PCSK2: variants seen among roughly 807,000 people sequenced by gnomAD.
PCSK2 encodes proprotein convertase subtilisin/kexin type 2.
PCSK2 carries 14 observed loss-of-function variants against 69.7 expected under a neutral mutation model. The ratio of observed to expected loss-of-function variants is 0.20; its 90% CI spans 0.13 to 0.31. PCSK2 has a LOEUF of 0.31. Among genes scored for constraint, PCSK2 ranks in the 10% least tolerant of loss-of-function variants. The pLI is 1.00. For synonymous variants in PCSK2, 307 were observed against 320.7 expected (o/e 0.96, Z 0.46); for missense variants, 544 against 842.5 (o/e 0.65, Z 4.39).
intron 4 of PCSK2, among the ~76,000 whole-genome samples, chr20:17,367,879 T>C (rs1405622677): frequency 6.6e-6 from 1 of 152,186 alleles, no homozygotes; most frequent in Non-Finnish European, 1.5e-5. Flanking sequence ...TTCTGATGCC[T>C]TTCCCTCTGA....
rs1435647061 is a variant in PCSK2, at chr20:17,481,409, A to G, written c.1431-175A>G. ...AAGACAAAAAAAAAAAAAAAAAAAA[A>G]AAAAAGAGATAAGTAACTTACTCAG... is the stretch of plus-strand genomic sequence containing the variant. On this transcript the variant is annotated intron_variant, in intron 11 of 11. Transcript: ENST00000262545. Among the ~76,000 whole-genome samples the G allele has an allele frequency of 2.3e-4, 28 of 122,098 alleles. 2 individuals are homozygous for G. The highest frequency in any genetic ancestry group is 1.6e-3 in the East Asian group (7 of 4,266). 80.1% of individuals were successfully genotyped at this position (122,098 alleles called of 152,430 possible).
At chr20:17,321,110 A>C (rs533508291) in intron 2 of PCSK2, among the ~76,000 whole-genome samples, 1 of 152,320 alleles carries the variant, frequency 6.6e-6, no homozygotes, top group African/African-American at 2.4e-5. Flanking sequence ...ATTTGTTTTC[A>C]ACATTATTCA....
At chr20:17,463,444 A>G (rs1040361150) in intron 10 of PCSK2, 3 of 152,106 alleles carry the variant, frequency 2.0e-5, no homozygotes, top group Admixed American at 6.5e-5. Flanking sequence ...TATGTCCAAG[A>G]CATGTTCTGA....
At chr20:17,414,083 A>G (rs2031941144) in intron 6 of PCSK2, among the ~76,000 whole-genome samples, 1 of 152,248 alleles carries the variant, frequency 6.6e-6, no homozygotes, top group African/African-American at 2.4e-5. Flanking sequence ...GAAAGCAGGA[A>G]AGATCTAAAA....
chr20:17,351,812 C>T (rs2029998132), intron 2 of PCSK2, among the ~76,000 whole-genome samples: 2 of 152,106 alleles, frequency 1.3e-5, no homozygotes, highest in African/African-American at 4.8e-5. Context: ...CTACTCTCAC[C>T]ACCCCTATTC....
At chr20:17,272,885 A>G (rs2123028361) in intron 2 of PCSK2, among the ~76,000 whole-genome samples, 1 of 152,252 alleles carries the variant, frequency 6.6e-6, no homozygotes, top group South Asian at 2.1e-4. Flanking sequence ...TGGCTCTCTG[A>G]GAAATCAGTT....
intron 2 of PCSK2, chr20:17,263,042 C>A: frequency 2.0e-6 from 1 of 502,182 alleles, no homozygotes; most frequent in Non-Finnish European, 2.6e-6. Context: ...GGAGGGTGGT[C>A]TGAGCTGCTA....
intron 5 of PCSK2, among the ~76,000 whole-genome samples, chr20:17,378,568 G>T (rs774054629): frequency 7.9e-5 from 12 of 151,970 alleles, no homozygotes; most frequent in Non-Finnish European, 1.5e-4. Flanking sequence ...ATAAATAAAA[G>T]ACTGAATTAT....
chr20:17,421,461 C>T (rs565679934), intron 6 of PCSK2, among the ~76,000 whole-genome samples: 20 of 152,188 alleles, frequency 1.3e-4, no homozygotes, highest in South Asian at 2.1e-4. Flanking sequence ...CAAACGTGGT[C>T]GACGCCAAAC....
At chr20:17,366,894 G>A (rs573343699) in intron 4 of PCSK2, among the ~76,000 whole-genome samples, 1 of 152,220 alleles carries the variant, frequency 6.6e-6, no homozygotes, top group South Asian at 2.1e-4. Context: ...CCTTGACAGA[G>A]AAGACACTAC....
intron 4 of PCSK2, among the ~76,000 whole-genome samples, chr20:17,361,409 A>G (rs1190490687): frequency 2.6e-5 from 4 of 152,248 alleles, no homozygotes; most frequent in Non-Finnish European, 5.9e-5. Flanking sequence ...GCATTTTTCC[A>G]ACTACACACG....
At chr20:17,358,103 C>T (rs948082899) in intron 2 of PCSK2, among the ~76,000 whole-genome samples, 3 of 151,174 alleles carry the variant, frequency 2.0e-5, no homozygotes, top group East Asian at 2.0e-4. Flanking sequence ...CTCGGGAGTT[C>T]GAGACCAGCC....
At chr20:17,477,175 C>A (rs2033305921) in intron 11 of PCSK2, among the ~76,000 whole-genome samples, 1 of 152,176 alleles carries the variant, frequency 6.6e-6, no homozygotes, top group Admixed American at 6.5e-5. Flanking sequence ...GGGCACATGA[C>A]CACTGTCTTT....
chr20:17,307,124 A>C (rs1406537157), intron 2 of PCSK2, among the ~76,000 whole-genome samples: 1 of 152,204 alleles, frequency 6.6e-6, no homozygotes, highest in African/African-American at 2.4e-5. Flanking sequence ...GAGTTATTTC[A>C]CAGGCTTTAT....
intron 2 of PCSK2, among the ~76,000 whole-genome samples, chr20:17,346,320 T>C (rs959168698): frequency 6.6e-6 from 1 of 152,158 alleles, no homozygotes; most frequent in Non-Finnish European, 1.5e-5. Context: ...CAGGGAGGTG[T>C]AGTGCTGAGT....
At chr20:17,412,046 A>G (rs2031886875) in intron 6 of PCSK2, among the ~76,000 whole-genome samples, 1 of 152,220 alleles carries the variant, frequency 6.6e-6, no homozygotes, top group African/African-American at 2.4e-5. Flanking sequence ...CAAAGACCAA[A>G]GGTAGATAAA....
intron 2 of PCSK2, among the ~76,000 whole-genome samples, chr20:17,266,951 T>C (rs993073235): frequency 1.3e-5 from 2 of 152,200 alleles, no homozygotes; most frequent in Non-Finnish European, 2.9e-5. Context: ...AGAGGAAATC[T>C]GGAGAGTGCA....
intron 2 of PCSK2, among the ~76,000 whole-genome samples, chr20:17,299,635 C>T (rs1401501213): frequency 2.0e-5 from 3 of 151,792 alleles, no homozygotes; most frequent in Admixed American, 2.0e-4. Flanking sequence ...TCTTCCATTT[C>T]TCTTTTCTTC....
chr20:17,358,489 A>C (rs1177585964), intron 3 of PCSK2, 49 bp downstream of exon 3: 5 of 1,008,204 alleles, frequency 5.0e-6, no homozygotes, highest in Non-Finnish European at 7.9e-6. Flanking sequence ...GAGACTCTGG[A>C]TAAAAGATGA....
Sources: allele counts gnomAD v4.1 joint callset (sites outside exome capture counted in the v4.1 genomes callset), GRCh38; gene constraint gnomAD v4.1.1; transcripts MANE v1.5; gene names NCBI Gene and HGNC (gene_info 2026-07-23, HGNC 2026-07-21).